Variants in SEZ6L2 observed in about 807,000 individuals in gnomAD.
The protein encoded by SEZ6L2 is seizure 6-like protein 2.
Under a neutral mutation model 97.0 loss-of-function variants are expected in SEZ6L2, and 44 were observed. That is an observed-to-expected ratio of 0.45 (90% CI 0.36 to 0.58). SEZ6L2 has a LOEUF of 0.58. SEZ6L2 is among the 20% of genes least tolerant of loss of function. The pLI, the probability that SEZ6L2 is intolerant of heterozygous loss-of-function variation, is 0.00. For missense variants in SEZ6L2, 1,086 were observed against 1,233.3 expected, an observed-to-expected ratio of 0.88 and a Z score of 1.79; for synonymous variants, 543 against 546.1, an observed-to-expected ratio of 0.99 and a Z score of 0.08.
intron 2 of SEZ6L2, 64 bp downstream of exon 2, chr16:29,897,789 A>T (rs1444673610): frequency 6.6e-7 from 1 of 1,509,950 alleles, no homozygotes. Flanking sequence ...CTGGCTCCCC[A>T]TCTCCCTGAG....
rs1466857913 is a variant in SEZ6L2 at position 29,887,793 on chromosome 16, T to C, written c.1064A>G (p.Asn355Ser). 3 of 1,613,720 alleles carry C rather than the reference T, an allele frequency of 1.9e-6. No homozygotes were observed. The highest frequency in any genetic ancestry group is 2.7e-5 in the African/African-American group (2 of 75,018). ...CMASCGGTIH[N>S]ATLGRIVSPE... is the part of the protein sequence containing the mutation. ...GGACACGATGCGGCCCAGGGTGGCA[T>C]TGTGGATGGTGCCACCACAGGATGC... Residue 355 changes from asparagine (N) to serine (S), a missense_variant, in exon 7 of 18, where the codon AAT becomes AGT. This residue lies in a region of SEZ6L2 where 776 missense variants were observed against 794.7 expected (regional missense o/e 0.98). Coordinates refer to ENST00000617533, the MANE Select transcript of SEZ6L2 (RefSeq NM_001243332.2).
At position 29,873,785 on chromosome 16, in the gene SEZ6L2, G is replaced by T; in HGVS notation, c.2105-56C>A. ...CGAGGGCCTTCAAAGATCAGCCTGG[G>T]CAACACAGAGAGACCCCATCTCTAC... is the stretch of plus-strand genomic sequence containing the variant. On this transcript the variant is annotated intron_variant, in intron 12 of 17. Coordinates refer to ENST00000617533, the MANE Select transcript of SEZ6L2 (RefSeq NM_001243332.2). The surrounding 1 kb of genome is among the most constrained non-coding windows in gnomAD (Gnocchi z 4.3). 2.7e-6 allele frequency: 4 copies of T among 1,456,776 alleles called. No homozygotes were observed. Among genetic ancestry groups the T allele is most frequent in the Non-Finnish European group, 3.7e-6 (4 of 1,088,292 alleles). 90.2% of individuals were successfully genotyped at this position (1,456,776 alleles called of 1,614,324 possible). A position where few individuals can be genotyped will look rare whatever the true frequency, so the allele number is the denominator to read the frequency against.
At chr16:29,885,799 C>A in intron 7 of SEZ6L2, 50 bp from the exon 8 acceptor site, 1 of 1,565,688 alleles carries the variant, frequency 6.4e-7, no homozygotes, top group Non-Finnish European at 8.7e-7. Context: ...TCACAAGCTG[C>A]CTCACCCCTT....
rs2067932581 is a variant in SEZ6L2, at chr16:29,877,454, C to G, written c.1726G>C (p.Glu576Gln). ...TCGAACAGCGTCAGCATGTCCCCTT[C>G]CCGCACATTCAATCTGCAGGGGGTG... ...LLQVEILNVR[E>Q]GDMLTLFDGD... The change falls in exon 11 of 18, where the codon GAA becomes CAA. Residue 576 changes from glutamate to glutamine, a missense_variant. By Grantham distance (29) the Glu-to-Gln change is conservative. Around this residue, in one of 2 missense-constraint regions of SEZ6L2, gnomAD observed 776 missense variants for 794.7 expected, o/e 0.98. Coordinates refer to ENST00000617533, the MANE Select transcript of SEZ6L2 (RefSeq NM_001243332.2). 6.3e-7 allele frequency: 1 copy of G among 1,595,880 alleles called. No individual in the cohort carries two copies. Among genetic ancestry groups the G allele is most frequent in the Non-Finnish European group, 8.5e-7 (1 of 1,170,758 alleles).
In SEZ6L2 at chr16:29,897,084, G is replaced by C. The variant is rs781302818; in HGVS notation, c.249C>G (p.Ala83=). Residue 83 remains alanine (A), a synonymous_variant, in exon 3 of 18, where the codon GCC becomes GCG. Transcript: ENST00000617533. ...GGGAGGGCACTGCGAGAGTCTGGCC[G>C]GCCGGAGGGGTGGCTAGCGTGGGGT... ...DRDPTLATPP[A]GQTLAVPSLP... 1 of 1,580,442 alleles carries C rather than the reference G, an allele frequency of 6.3e-7. No homozygotes were observed. The highest frequency in any genetic ancestry group is 1.3e-5 in the African/African-American group (1 of 74,618).
intron 1 of SEZ6L2, among the ~76,000 whole-genome samples, chr16:29,898,348 C>T (rs1455056710): frequency 6.6e-6 from 1 of 152,144 alleles, no homozygotes; most frequent in Non-Finnish European, 1.5e-5. Flanking sequence ...GAGGATCTGG[C>T]CGCACCTCCC....
At chr16:29,896,786 G>C in intron 3 of SEZ6L2, 36 bp downstream of exon 3, 2 of 1,594,724 alleles carry the variant, frequency 1.3e-6, no homozygotes, top group Non-Finnish European at 1.7e-6. Flanking sequence ...GTACCTCTCC[G>C]GTCCTCCCAC....
rs1257210285 is a variant in SEZ6L2 at position 29,887,912 on chromosome 16, C to T, written c.1040-95G>A. The T allele has an allele frequency of 1.6e-5, 23 of 1,394,924 alleles. No individual in the cohort carries two copies. In the Admixed American group the frequency reaches 2.9e-4, roughly 17 times the overall value. 86.4% of individuals were successfully genotyped at this position (1,394,924 alleles called of 1,614,324 possible). On this transcript the variant is annotated intron_variant, in intron 6 of 17. Coordinates refer to ENST00000617533, the MANE Select transcript of SEZ6L2 (RefSeq NM_001243332.2). Reference sequence around the variant, plus strand: ...CGTTTTCAGAACTGTTGCATTCACACATTTGGCTGGGACCCGGCCCAGGGC... The same window carrying T: ...CGTTTTCAGAACTGTTGCATTCACATATTTGGCTGGGACCCGGCCCAGGGC...
intron 5 of SEZ6L2, among the ~76,000 whole-genome samples, chr16:29,889,529 A>G (rs982750555): frequency 6.9e-6 from 1 of 145,876 alleles, no homozygotes; most frequent in African/African-American, 2.5e-5. Flanking sequence ...TCTTCCCTCC[A>G]CACACACAGC....
intron 7 of SEZ6L2, 167 bp from the exon 8 acceptor site, chr16:29,885,916 A>G: frequency 8.6e-6 from 5 of 582,200 alleles, no homozygotes; most frequent in Non-Finnish European, 1.1e-5. Context: ...TTTCACAAGA[A>G]CTCTTGAGTC....
chr16:29,891,317 G>C (rs902745084), intron 5 of SEZ6L2, among the ~76,000 whole-genome samples: 2 of 151,488 alleles, frequency 1.3e-5, no homozygotes, highest in African/African-American at 4.8e-5. Context: ...ACCTACCTTG[G>C]CCTCCCAAAG....
rs752651129 is a variant in SEZ6L2 at position 29,897,989 on chromosome 16, G to A, written c.80-5C>T. On this transcript the variant is annotated splice_polypyrimidine_tract_variant and splice_region_variant and intron_variant, in intron 1 of 17. Coordinates refer to ENST00000617533, the MANE Select transcript of SEZ6L2 (RefSeq NM_001243332.2). ...CCTCCTCCTTCAGGGGCAGACCTAGGAGGTGAAGTTGTGTGAGCTTCTCCA... is the reference window on the plus strand; with the variant it reads ...CCTCCTCCTTCAGGGGCAGACCTAGAAGGTGAAGTTGTGTGAGCTTCTCCA... 51 of 1,612,872 alleles carry A rather than the reference G, an allele frequency of 3.2e-5. No homozygotes were observed. The highest frequency in any genetic ancestry group is 2.4e-4 in the South Asian group (22 of 90,960).
Position 29,872,437 on chromosome 16 carries a change from C to T in SEZ6L2, c.2617G>A (p.Gly873Ser), listed in dbSNP as rs149666804. The change falls in exon 16 of 18, where the codon GGC becomes AGC. Residue 873 changes from glycine (G) to serine (S), a missense_variant. Gly to Ser is a moderately conservative substitution (Grantham distance 56, BLOSUM62 0). Transcript: ENST00000617533. ...GTGTAGTAGATGTAAACGCCACTGC[C>T]GAGGACAATGACCAAGCCTAGAGGC... ...LLPLGLVIVL[G>S]SGVYIYYTKL... The T allele has an allele frequency of 8.3e-5, 134 of 1,614,178 alleles. No individual in the cohort carries two copies. In the African/African-American group the frequency reaches 1.6e-3, roughly 19 times the overall value.
intron 8 of SEZ6L2, among the ~76,000 whole-genome samples, chr16:29,880,489 T>C (rs2068008492): frequency 6.6e-6 from 1 of 152,118 alleles, no homozygotes; most frequent in African/African-American, 2.4e-5. Context: ...CTGGCTAATT[T>C]TTTGTATTTT....
intron 4 of SEZ6L2, 41 bp downstream of exon 4, chr16:29,895,680 A>G: frequency 1.3e-6 from 2 of 1,586,790 alleles, no homozygotes; most frequent in Non-Finnish European, 1.7e-6. Context: ...CCAGAGGAAA[A>G]GGCTTGGAAG....
chr16:29,885,176 C>A (rs2068109935), intron 8 of SEZ6L2, among the ~76,000 whole-genome samples: 1 of 152,098 alleles, frequency 6.6e-6, no homozygotes, highest in African/African-American at 2.4e-5. Context: ...CCACTGCATT[C>A]CAGCCTGGGT....
Position 29,896,894 on chromosome 16 carries a change from C to T in SEZ6L2, c.439G>A (p.Glu147Lys). 1 of 1,613,936 alleles carries T rather than the reference C, an allele frequency of 6.2e-7. No individual in the cohort carries two copies. The highest frequency in any genetic ancestry group is 8.5e-7 in the Non-Finnish European group (1 of 1,179,902). ...GTCGTCGTCTCCTCCTCTCCTCCCT[C>T]AGGCCCAAGGGGAGGCCCTGGGGAG... ...PASPGPPLGP[E>K]GGEEETTTTI... Residue 147 changes from glutamate (E) to lysine (K), a missense_variant, in exon 3 of 18, where the codon GAG becomes AAG. Transcript: ENST00000617533.
In SEZ6L2 at chr16:29,883,474, G is replaced by C. The variant is rs541584798; in HGVS notation, c.1372+2112C>G. Among the ~76,000 whole-genome samples, 2 of 152,122 alleles carry C rather than the reference G, an allele frequency of 1.3e-5. 1 individual carries two copies. The highest frequency in any genetic ancestry group is 3.9e-4 in the East Asian group (2 of 5,170). ...CTAGAGGTGTGTGCCACCACACCTG[G>C]ATAATTATTACTTTTTTTTAATTTG... On this transcript the variant is annotated intron_variant, in intron 8 of 17. Coordinates refer to ENST00000617533, the MANE Select transcript of SEZ6L2 (RefSeq NM_001243332.2).
Position 29,895,436 on chromosome 16 carries a change from C to T in SEZ6L2, c.676G>A (p.Glu226Lys). 2.5e-6 allele frequency: 4 copies of T among 1,614,114 alleles called. No homozygotes were observed. The highest frequency in any genetic ancestry group is 1.1e-5 in the South Asian group (1 of 91,090). Residue 226 changes from glutamate to lysine, a missense_variant, in exon 5 of 18, where the codon GAA (glutamate) becomes AAA (lysine). By Grantham distance (56) the Glu-to-Lys change is moderately conservative (BLOSUM62 1). Coordinates refer to ENST00000617533, the MANE Select transcript of SEZ6L2 (RefSeq NM_001243332.2). The part of the protein sequence containing the change: ...IQVQTLNLSQ[E>K]EELLVLAGGG... The stretch of plus-strand genomic sequence containing the variant: ...CCAGCCAGCACCAGGAGCTCCTCTT[C>T]CTGTGACAGGTTCAGCGTCTGCACC...
Sources: allele counts gnomAD v4.1 joint callset (sites outside exome capture counted in the v4.1 genomes callset), GRCh38; gene constraint gnomAD v4.1.1; regional missense constraint gnomAD v4.1.1; non-coding constraint Gnocchi (gnomAD v3.1); transcripts MANE v1.5; gene names NCBI Gene and HGNC (gene_info 2026-07-23, HGNC 2026-07-21).